DST: variants seen among roughly 807,000 people sequenced by gnomAD.
DST encodes the protein dystonin, also known as bullous pemphigoid antigen.
DST carries 253 observed loss-of-function variants against 875.2 expected under a neutral mutation model. That is an observed-to-expected ratio of 0.29 (90% CI 0.26 to 0.32). The LOEUF (loss-of-function observed/expected upper bound fraction) is 0.32, where lower values mean the gene tolerates loss of function less well. DST is among the 10% of genes least tolerant of loss of function. DST has a pLI of 1.00. For missense variants in DST, 8,287 were observed against 9,111.6 expected (o/e 0.91, Z 3.68); for synonymous variants, 3,124 against 3,197.1 (o/e 0.98, Z 0.77).
In DST at chr6:56,509,867, C is replaced by T. The variant is rs2096431806; in HGVS notation, c.18787G>A (p.Asp6263Asn). 1 of 1,599,714 alleles carries T rather than the reference C, an allele frequency of 6.3e-7. No homozygotes were observed. Among genetic ancestry groups the T allele is most frequent in the African/African-American group, 1.3e-5 (1 of 74,496 alleles). The change falls in exon 74 of 104, where the codon GAC (aspartate) becomes AAC (asparagine). Residue 6263 changes from aspartate to asparagine, a missense_variant. Physicochemically the swap from Asp to Asn is conservative, Grantham distance 23. Around this residue, in one of 10 missense-constraint regions of DST, gnomAD observed 1,292 missense variants for 1,552.7 expected, o/e 0.83. Coordinates refer to ENST00000680361, the MANE Select transcript of DST (RefSeq NM_001374736.1). Reference protein sequence around the residue: ...EAISQSTQFHDKIDQILESLE... With the variant: ...EAISQSTQFHNKIDQILESLE... ...CTCTCAAGGATCTGATCTATCTTGT[C>T]ATGGAACTAGGGGCAAAACAAAGAG...
chr6:56,797,951 G>A (rs1590662926), intron 4 of DST, among the ~76,000 whole-genome samples: 2 of 152,104 alleles, frequency 1.3e-5, no homozygotes. Context: ...GAGCAAGGTC[G>A]TAACTCTCTT....
intron 3 of DST, among the ~76,000 whole-genome samples, chr6:56,874,166 T>G (rs1190547334): frequency 6.6e-6 from 1 of 152,004 alleles, no homozygotes; most frequent in Non-Finnish European, 1.5e-5. Context: ...TGTACAACTA[T>G]TAGTATCCAT....
At chr6:56,758,955 CAT>C (rs960522558) in intron 4 of DST, among the ~76,000 whole-genome samples, 15 of 152,134 alleles carry the variant, frequency 9.9e-5, no homozygotes, top group Non-Finnish European at 7.3e-5. Flanking sequence ...AAGTTGCACA[CAT>C]GTTTTAAAAC....
chr6:56,714,073 C>T lies in DST; in HGVS notation c.688-9704G>A, dbSNP rs1018973827. On this transcript the variant is annotated intron_variant, in intron 5 of 103. Coordinates refer to ENST00000680361, the MANE Select transcript of DST (RefSeq NM_001374736.1). This position sits in a 1 kb window ranked among gnomAD's most constrained non-coding sequence, Gnocchi z 4.5. ...AGATACCACTGCCACTGCTACAATC[C>T]GTTCTGATGCTTAACACCTCTTCCC... Among the ~76,000 whole-genome samples the T allele has an allele frequency of 6.6e-6, 1 of 152,144 alleles. No homozygotes were observed. The highest frequency in any genetic ancestry group is 1.5e-5 in the Non-Finnish European group (1 of 68,032).
At chr6:56,472,329 G>T in intron 93 of DST, 107 bp from the exon 94 acceptor site, 2 of 959,448 alleles carry the variant, frequency 2.1e-6, no homozygotes, top group Non-Finnish European at 3.0e-6. Context: ...TTAATTACGT[G>T]TTTACGCAAG....
chr6:56,952,292 C>T (rs1014649725), intron 2 of DST, among the ~76,000 whole-genome samples: 1 of 152,174 alleles, frequency 6.6e-6, no homozygotes, highest in Admixed American at 6.5e-5. Context: ...GCTGAAATAT[C>T]TGATGGCTAG....
chr6:56,624,743 T>TC (rs2098718755), intron 35 of DST, 115 bp from the exon 36 acceptor site: 1 of 715,950 alleles, frequency 1.4e-6, no homozygotes, highest in African/African-American at 1.8e-5. Context: ...AGCACACAAC[T>TC]CCCCCCATAA....
At chr6:56,913,706 G>T (rs1799693418) in intron 2 of DST, among the ~76,000 whole-genome samples, 1 of 152,068 alleles carries the variant, frequency 6.6e-6, no homozygotes, top group Non-Finnish European at 1.5e-5. Flanking sequence ...TGATGTTTTG[G>T]TCTGCTAATC....
chr6:56,810,781 C>T (rs2099758914), intron 4 of DST, among the ~76,000 whole-genome samples: 1 of 151,754 alleles, frequency 6.6e-6, no homozygotes, highest in Admixed American at 6.6e-5. Context: ...ATTCCTCCTG[C>T]TACATCATGT....
rs148384705 is a variant in DST, at chr6:56,472,669, C to A, written c.21995-447G>T. ...GGAGAGCAGATGAGGGCAGCAGGCA[C>A]TGGGCAGTCACAAGAGTCAAAGCAA... On this transcript the variant is annotated intron_variant, in intron 93 of 103. Transcript: ENST00000680361. 2.3e-3 allele frequency among the ~76,000 whole-genome samples: 355 copies of A among 152,292 alleles called. 2 individuals are homozygous for A. The highest frequency in any genetic ancestry group is 8.3e-3 in the African/African-American group (345 of 41,560).
chr6:56,677,747 G>T (rs538852123), intron 9 of DST, among the ~76,000 whole-genome samples: 85 of 152,234 alleles, frequency 5.6e-4, no homozygotes, highest in Non-Finnish European at 9.6e-4. Context: ...TCACATCCTG[G>T]TCATTGCTGG....
intron 2 of DST, among the ~76,000 whole-genome samples, chr6:56,930,944 G>C (rs6932994): frequency 0.019 from 2,922 of 152,280 alleles, 92 homozygotes; most frequent in African/African-American, 0.066. Flanking sequence ...ATGTGAAAGA[G>C]AAGGTTATAT....
intron 9 of DST, among the ~76,000 whole-genome samples, chr6:56,685,362 A>G (rs902898213): frequency 6.6e-6 from 1 of 152,210 alleles, no homozygotes; most frequent in Non-Finnish European, 1.5e-5. Flanking sequence ...ATACTTCGCA[A>G]AAGAAGTCAT....
chr6:56,644,642 A>G (rs1171116944), intron 15 of DST, among the ~76,000 whole-genome samples: 1 of 152,244 alleles, frequency 6.6e-6, no homozygotes, highest in Admixed American at 6.5e-5. Context: ...ACATGGAAAC[A>G]TGAGAGTTCT....
rs1407745340 is a variant in DST at position 56,603,732 on chromosome 6, A to C, written c.10792-19T>G. On this transcript the variant is annotated intron_variant, in intron 40 of 103. Coordinates refer to ENST00000680361, the MANE Select transcript of DST (RefSeq NM_001374736.1). Reference sequence around the variant, plus strand: ...TGGAAAACTAAAAACAAAGTTGGACATTTTAATTCAATAACCTTTATGCAG... The same window carrying C: ...TGGAAAACTAAAAACAAAGTTGGACCTTTTAATTCAATAACCTTTATGCAG... 4 of 1,589,490 alleles carry C rather than the reference A, an allele frequency of 2.5e-6. No individual in the cohort carries two copies. In the Admixed American group the frequency reaches 7.3e-5, roughly 29 times the overall value.
chr6:56,492,149 G>T, intron 85 of DST, 78 bp downstream of exon 85: 1 of 1,256,106 alleles, frequency 8.0e-7, no homozygotes, highest in South Asian at 1.3e-5. Context: ...TGTGATAAAA[G>T]TACATCCATA....
At chr6:56,554,866 C>T (rs1312982605) in intron 60 of DST, among the ~76,000 whole-genome samples, 1 of 152,174 alleles carries the variant, frequency 6.6e-6, no homozygotes, top group Admixed American at 6.5e-5. Flanking sequence ...TGACAAATAT[C>T]ATCACATATG....
chr6:56,691,387 CAGG>C (rs981909024), intron 9 of DST, among the ~76,000 whole-genome samples: 26 of 152,094 alleles, frequency 1.7e-4, no homozygotes, highest in Non-Finnish European at 3.2e-4. Context: ...AGGACACCTT[CAGG>C]AGAACTCAGA....
chr6:56,471,930 T>C (rs758872075), intron 94 of DST, 129 bp downstream of exon 94: 3 of 920,254 alleles, frequency 3.3e-6, no homozygotes, highest in African/African-American at 3.3e-5. Context: ...AATTTAAAAA[T>C]GTACTCAAAT....
Sources: allele counts gnomAD v4.1 joint callset (sites outside exome capture counted in the v4.1 genomes callset), GRCh38; gene constraint gnomAD v4.1.1; regional missense constraint gnomAD v4.1.1; non-coding constraint Gnocchi (gnomAD v3.1); transcripts MANE v1.5; gene names NCBI Gene and HGNC (gene_info 2026-07-23, HGNC 2026-07-21).